Variants in ALDH1A2 observed in about 807,000 individuals in gnomAD.
ALDH1A2 encodes retinal dehydrogenase 2.
Under a neutral mutation model 60.3 loss-of-function variants are expected in ALDH1A2, and 27 were observed. The ratio of observed to expected loss-of-function variants is 0.45; its 90% CI spans 0.33 to 0.62. The LOEUF (loss-of-function observed/expected upper bound fraction) is 0.62. Among genes scored for constraint, ALDH1A2 ranks in the 20% least tolerant of loss-of-function variants. The pLI, the probability that ALDH1A2 is intolerant of heterozygous loss-of-function variation, is 0.02. For missense variants in ALDH1A2, 581 were observed against 643.8 expected (o/e 0.90, Z 1.06); for synonymous variants, 289 against 232.4 (o/e 1.24, Z -2.21).
In ALDH1A2 at chr15:57,955,136, T is replaced by C. The variant is rs1596059681; in HGVS notation, c.*61A>G. ...CTTTGTATTCCTGAGAGCTGGGCCC[T>C]ACAGAGAAAGCAGAGAGGGACAGAC... On this transcript the variant is annotated 3_prime_UTR_variant, in exon 13 of 13. Transcript: ENST00000249750. The C allele has an allele frequency of 6.5e-7, 1 of 1,529,026 alleles. No individual in the cohort carries two copies. The highest frequency in any genetic ancestry group is 1.1e-5 in the South Asian group (1 of 89,328). The allele number at this position is 1,529,026 out of a possible 1,614,324, so 94.7% of individuals were successfully genotyped here.
intron 4 of ALDH1A2, among the ~76,000 whole-genome samples, chr15:57,995,902 C>T (rs1191234329): frequency 6.6e-6 from 1 of 152,124 alleles, no homozygotes. Flanking sequence ...AGGAAAATGT[C>T]ATTGCTTTTA....
chr15:58,013,457 T>A (rs2140517957), intron 3 of ALDH1A2, among the ~76,000 whole-genome samples: 2 of 152,318 alleles, frequency 1.3e-5, no homozygotes, highest in East Asian at 3.9e-4. Context: ...CTCCATCTGA[T>A]CCCCAAATCC....
At chr15:57,998,412 C>G (rs2140498290) in intron 4 of ALDH1A2, among the ~76,000 whole-genome samples, 1 of 152,058 alleles carries the variant, frequency 6.6e-6, no homozygotes, top group Non-Finnish European at 1.5e-5. Context: ...CAACAATAGA[C>G]AAGCAGAGAG....
intron 12 of ALDH1A2, 64 bp from the exon 13 acceptor site, chr15:57,955,333 G>GGGAGTCCT (rs1566925977): frequency 6.6e-7 from 1 of 1,526,384 alleles, no homozygotes; most frequent in African/African-American, 1.4e-5. Flanking sequence ...TGAGTGCAGC[G>GGGAGTCCT]GGAGTCCTGG....
At chr15:58,059,515 G>A (rs1271194812) in intron 1 of ALDH1A2, among the ~76,000 whole-genome samples, 2 of 152,180 alleles carry the variant, frequency 1.3e-5, no homozygotes. Flanking sequence ...TACCTTCTGA[G>A]AATGTCCTTG....
intron 7 of ALDH1A2, among the ~76,000 whole-genome samples, chr15:57,969,733 T>C (rs1441541277): frequency 2.6e-5 from 4 of 152,190 alleles, no homozygotes; most frequent in East Asian, 3.9e-4. Flanking sequence ...TGATGTAATA[T>C]AGATTAAATA....
At chr15:58,020,283 G>A (rs533175987) in intron 1 of ALDH1A2, among the ~76,000 whole-genome samples, 8 of 152,078 alleles carry the variant, frequency 5.3e-5, no homozygotes, top group South Asian at 2.1e-4. Context: ...ATGAACATAC[G>A]TGTGCATGTA....
intron 12 of ALDH1A2, among the ~76,000 whole-genome samples, chr15:57,958,325 T>C (rs1462410183): frequency 6.6e-6 from 1 of 151,164 alleles, no homozygotes; most frequent in African/African-American, 2.5e-5. Context: ...CAGAATTCTT[T>C]CCATCTCCTC....
intron 4 of ALDH1A2, among the ~76,000 whole-genome samples, chr15:58,007,086 T>C (rs1185081664): frequency 3.9e-5 from 6 of 151,904 alleles, no homozygotes; most frequent in Admixed American, 2.0e-4. Context: ...TCTGTCTGGT[T>C]GGCCATGAGT....
chr15:57,967,146 A>C (rs1216275763), intron 7 of ALDH1A2, among the ~76,000 whole-genome samples: 1 of 151,478 alleles, frequency 6.6e-6, no homozygotes, highest in Non-Finnish European at 1.5e-5. Context: ...CTAGGAGAAA[A>C]GGCTCTGGAG....
chr15:58,014,916 C>T lies in ALDH1A2; in HGVS notation c.118-635G>A, dbSNP rs142071022. Among the ~76,000 whole-genome samples, 364 of 152,156 alleles carry T rather than the reference C, an allele frequency of 2.4e-3. 2 individuals carry two copies. Among genetic ancestry groups the T allele is most frequent in the African/African-American group, 8.5e-3 (351 of 41,538 alleles). On this transcript the variant is annotated intron_variant, in intron 1 of 12. Transcript: ENST00000249750. ...GGGTGTAATTTTCAAATGATCACCC[C>T]AGGATTTCTTAAAAGGCTTGGTCTC...
chr15:57,997,672 T>C (rs1595653727), intron 4 of ALDH1A2, among the ~76,000 whole-genome samples: 1 of 151,900 alleles, frequency 6.6e-6, no homozygotes, highest in Non-Finnish European at 1.5e-5. Context: ...TATCACAAGT[T>C]ACCGAAAAAA....
chr15:58,062,442 G>A (rs1321868642), intron 1 of ALDH1A2, among the ~76,000 whole-genome samples: 3 of 152,194 alleles, frequency 2.0e-5, no homozygotes, highest in African/African-American at 7.2e-5. Flanking sequence ...GCAGTCAGGG[G>A]CGGTCAGTAA....
intron 1 of ALDH1A2, among the ~76,000 whole-genome samples, chr15:58,032,820 G>A (rs79272601): frequency 2.8e-4 from 42 of 151,446 alleles, no homozygotes; most frequent in African/African-American, 8.2e-4. Flanking sequence ...ACACACGTGC[G>A]TACCCAACGG....
intron 4 of ALDH1A2, among the ~76,000 whole-genome samples, chr15:58,004,232 AAAGTGAAATCT>A (rs1407386645): frequency 6.6e-6 from 1 of 151,910 alleles, no homozygotes; most frequent in East Asian, 1.9e-4. Flanking sequence ...ATCTGTAGTC[AAAGTGAAATCT>A]ATCCTTTATG....
At chr15:57,966,955 C>T (rs1451546032) in intron 7 of ALDH1A2, among the ~76,000 whole-genome samples, 1 of 152,172 alleles carries the variant, frequency 6.6e-6, no homozygotes, top group Non-Finnish European at 1.5e-5. Flanking sequence ...GCCATATAGT[C>T]CATAGAGGCA....
chr15:57,999,893 A>G (rs1401097833), intron 4 of ALDH1A2, among the ~76,000 whole-genome samples: 4 of 152,052 alleles, frequency 2.6e-5, no homozygotes, highest in African/African-American at 9.7e-5. Flanking sequence ...ATAAAAAGGA[A>G]TGGGATCATG....
At chr15:58,000,381 T>A (rs1339915917) in intron 4 of ALDH1A2, among the ~76,000 whole-genome samples, 5 of 151,832 alleles carry the variant, frequency 3.3e-5, no homozygotes, top group Non-Finnish European at 7.4e-5. Context: ...AAGACCCTAC[T>A]ATGAATTCCA....
chr15:58,044,227 T>C (rs1425078658), intron 1 of ALDH1A2, among the ~76,000 whole-genome samples: 1 of 151,956 alleles, frequency 6.6e-6, no homozygotes, highest in Non-Finnish European at 1.5e-5. Flanking sequence ...GCCATGGTGG[T>C]TTGCTGCACC....
Sources: gnomAD v4.1 joint callset for allele counts (sites outside exome capture counted in the v4.1 genomes callset) on GRCh38, gnomAD v4.1.1 for gene constraint, MANE v1.5 for transcripts, NCBI Gene and HGNC (gene_info 2026-07-23, HGNC 2026-07-21) for gene names.